The following TTF2 variants were observed in gnomAD, a reference collection of about 807,000 sequenced individuals.
TTF2 encodes transcription termination factor 2.
Under a neutral mutation model 142.4 loss-of-function variants are expected in TTF2, and 108 were observed. That is an observed-to-expected ratio of 0.76 (90% confidence interval 0.65 to 0.89). TTF2 has a LOEUF of 0.89. Ranked by LOEUF, TTF2 falls within the 40% of genes least tolerant of loss-of-function variation. The probability of loss-of-function intolerance (pLI) is 0.00; values close to 1 mark genes in which losing one functional copy is unlikely to be tolerated. For synonymous variants in TTF2, 483 were observed against 506.2 expected (o/e 0.95, Z 0.61); for missense variants, 1,327 against 1,379.8 (o/e 0.96, Z 0.61).
In TTF2 at chr1:117,106,967, G is replaced by A. The variant is rs747268347; in HGVS notation, c.*5443G>A. The A allele has an allele frequency of 1.3e-5, 2 of 152,190 alleles. No homozygotes were observed. The highest frequency in any genetic ancestry group is 2.9e-5 in the Non-Finnish European group (2 of 68,040). 9.4% of individuals were successfully genotyped at this position (152,190 alleles called of 1,614,324 possible). A position where few individuals can be genotyped will look rare whatever the true frequency, so the allele number is the denominator to read the frequency against. ...GTTTATCCTGTTACAACATCCCAGA[G>A]GACAGAGGCTCTTATTTGTGACTCT... On this transcript the variant is annotated 3_prime_UTR_variant, in exon 23 of 23. Coordinates refer to ENST00000369466, the MANE Select transcript of TTF2 (RefSeq NM_003594.4).
At chr1:117,088,285 C>G (rs1308033555) in intron 12 of TTF2, among the ~76,000 whole-genome samples, 2 of 152,160 alleles carry the variant, frequency 1.3e-5, no homozygotes, top group African/African-American at 2.4e-5. Flanking sequence ...TGCCTGTAAT[C>G]CCAGCACTTT....
Position 117,079,702 on chromosome 1 carries a change from T to C in TTF2, c.1783+53T>C. The C allele has an allele frequency of 6.6e-7, 1 of 1,524,732 alleles. No individual in the cohort carries two copies. The highest frequency in any genetic ancestry group is 9.1e-7 in the Non-Finnish European group (1 of 1,098,288). 94.5% of individuals were successfully genotyped at this position (1,524,732 alleles called of 1,614,324 possible). On this transcript the variant is annotated intron_variant, in intron 9 of 22. Transcript: ENST00000369466. This position sits in a 1 kb window ranked among gnomAD's most constrained non-coding sequence, Gnocchi z 4.2. ...TTTATTGAATGCTTAGGCATTGTGC[T>C]AAACACGTAGTGTTGTTTCATTTAT...
At chr1:117,061,346 G>T (rs1409908777) in intron 2 of TTF2, among the ~76,000 whole-genome samples, 1 of 152,234 alleles carries the variant, frequency 6.6e-6, no homozygotes, top group African/African-American at 2.4e-5. Flanking sequence ...AGTGAGGAAA[G>T]TTAATAGTTT....
In TTF2 at chr1:117,101,706, C is replaced by T; in HGVS notation, c.*182C>T. 1 of 522,510 alleles carries T rather than the reference C, an allele frequency of 1.9e-6. No homozygotes were observed. The highest frequency in any genetic ancestry group is 3.1e-6 in the Non-Finnish European group (1 of 321,228). The allele number at this position is 522,510 out of a possible 1,614,324, so 32.4% of individuals were successfully genotyped here. On this transcript the variant is annotated 3_prime_UTR_variant, in exon 23 of 23. Transcript: ENST00000369466. This position sits in a 1 kb window ranked among gnomAD's most constrained non-coding sequence, Gnocchi z 5.9. The stretch of plus-strand genomic sequence containing the variant: ...AGAATTGAGGAGGGGTTGTGTTAAC[C>T]AATTAGTTAACCAATTATGTTAATA...
At chr1:117,083,333 A>C (rs1647703769) in intron 10 of TTF2, among the ~76,000 whole-genome samples, 1 of 152,026 alleles carries the variant, frequency 6.6e-6, no homozygotes, top group Non-Finnish European at 1.5e-5. Context: ...CTTTGTGTGT[A>C]CTAGCAGTAT....
At chr1:117,098,419 G>GC (rs1275439941) in intron 21 of TTF2, 1 of 153,132 alleles carries the variant, frequency 6.5e-6, no homozygotes, top group Admixed American at 6.5e-5. Flanking sequence ...TAAATAACTT[G>GC]CCCAAGGACA....
chr1:117,062,774 C>A (rs937148617), intron 3 of TTF2, among the ~76,000 whole-genome samples: 2 of 152,156 alleles, frequency 1.3e-5, no homozygotes, highest in African/African-American at 4.8e-5. Flanking sequence ...ACTTGTCAAT[C>A]TTCTAATTCT....
intron 8 of TTF2, among the ~76,000 whole-genome samples, chr1:117,078,805 G>A (rs1338042951): frequency 6.6e-6 from 1 of 152,182 alleles, no homozygotes; most frequent in African/African-American, 2.4e-5. Flanking sequence ...GGGGGACTCT[G>A]GTCAAAGGGC....
chr1:117,097,241 T>C lies in TTF2; in HGVS notation c.3187-110T>C. 2 of 900,448 alleles carry C rather than the reference T, an allele frequency of 2.2e-6. No homozygotes were observed. Among genetic ancestry groups the C allele is most frequent in the Non-Finnish European group, 3.5e-6 (2 of 567,478 alleles). 55.8% of individuals were successfully genotyped at this position (900,448 alleles called of 1,614,324 possible). ...AACAATTTATAACAGCAGAAGGAAA[T>C]TTGATAGGAACACAGTGCTTATCTG... On this transcript the variant is annotated intron_variant, in intron 20 of 22. Transcript: ENST00000369466. This position sits in a 1 kb window ranked among gnomAD's most constrained non-coding sequence, Gnocchi z 4.1.
Position 117,091,915 on chromosome 1 carries a change from C to T in TTF2, c.2770C>T (p.Arg924Cys), listed in dbSNP as rs774489774. The T allele has an allele frequency of 8.7e-6, 14 of 1,612,914 alleles. No homozygotes were observed. Among genetic ancestry groups the T allele is most frequent in the South Asian group, 3.3e-5 (3 of 91,018 alleles). Residue 924 changes from arginine (R) to cysteine (C), a missense_variant, in exon 17 of 23, where the codon CGC becomes TGC. Transcript: ENST00000369466. ...VHILSQLLRL[R>C]QCCCHLSLLK... ...CATACTGTCCCAGTTGCTGAGACTCCGCCAGTGTTGCTGTCATCTTTCTTT... is the reference window on the plus strand; with the variant it reads ...CATACTGTCCCAGTTGCTGAGACTCTGCCAGTGTTGCTGTCATCTTTCTTT...
At position 117,097,046 on chromosome 1, in the gene TTF2, T is replaced by C. The variant is rs535451790; in HGVS notation, c.3187-305T>C. Among the ~76,000 whole-genome samples the C allele has an allele frequency of 2.0e-5, 3 of 152,278 alleles. No individual in the cohort carries two copies. Among genetic ancestry groups the C allele is most frequent in the East Asian group, 3.9e-4 (2 of 5,178 alleles). ...GATGAAATAAACATAATCTGGTTAA[T>C]TGAAAGTTTATTGAGCTGACCATCC... is the stretch of plus-strand genomic sequence containing the variant. On this transcript the variant is annotated intron_variant, in intron 20 of 22. Transcript: ENST00000369466. The surrounding 1 kb of genome is among the most constrained non-coding windows in gnomAD (Gnocchi z 4.1).
In TTF2 at chr1:117,086,424, A is replaced by T. The variant is rs1648017396; in HGVS notation, c.2062A>T (p.Thr688Ser). Residue 688 changes from threonine to serine, a missense_variant, in exon 12 of 23, where the codon ACA (threonine) becomes TCA (serine). Thr to Ser is a moderately conservative substitution (Grantham distance 58). Coordinates refer to ENST00000369466, the MANE Select transcript of TTF2 (RefSeq NM_003594.4). This position sits in a 1 kb window ranked among gnomAD's most constrained non-coding sequence, Gnocchi z 4.2. ...NRDSRARVLS[T>S]YDIVITTYSL... ...TTTGTTATGTCTACGCAGCCTCTCT[A>T]CATATGACATCGTGATCACTACCTA... 1.2e-6 allele frequency: 2 copies of T among 1,613,136 alleles called. No individual in the cohort carries two copies. The highest frequency in any genetic ancestry group is 1.7e-6 in the Non-Finnish European group (2 of 1,179,248).
chr1:117,062,356 A>G (rs777046682), intron 2 of TTF2, 31 bp from the exon 3 acceptor site: 2 of 1,603,500 alleles, frequency 1.2e-6, no homozygotes, highest in South Asian at 2.2e-5. Flanking sequence ...TCCTGACCTA[A>G]AAATGTTTTC....
chr1:117,084,818 A>G (rs894087240), intron 11 of TTF2, among the ~76,000 whole-genome samples: 2 of 152,188 alleles, frequency 1.3e-5, no homozygotes, highest in African/African-American at 2.4e-5. Context: ...GTAGTCAAGG[A>G]TGAGAACAAA....
chr1:117,086,652 G>T lies in TTF2; in HGVS notation c.2160+130G>T. 1 of 652,326 alleles carries T rather than the reference G, an allele frequency of 1.5e-6. No homozygotes were observed. 40.4% of individuals were successfully genotyped at this position (652,326 alleles called of 1,614,324 possible). On this transcript the variant is annotated intron_variant, in intron 12 of 22. Coordinates refer to ENST00000369466, the MANE Select transcript of TTF2 (RefSeq NM_003594.4). This position sits in a 1 kb window ranked among gnomAD's most constrained non-coding sequence, Gnocchi z 4.2. The stretch of plus-strand genomic sequence containing the variant: ...GAATGCTGTAAATGATCCGCATGTG[G>T]AAAGGAATTGTTCTTTCCTCTATCC...
chr1:117,080,008 CTTT>C lies in TTF2; in HGVS notation c.1783+375_1783+377del, dbSNP rs544511918. 6.5e-5 allele frequency among the ~76,000 whole-genome samples: 9 copies of C among 138,940 alleles called. No individual in the cohort carries two copies. Among genetic ancestry groups the C allele is most frequent in the Admixed American group, 7.3e-5 (1 of 13,680 alleles). The allele number at this position is 138,940 out of a possible 152,430, so 91.2% of individuals were successfully genotyped here. A position where few individuals can be genotyped will look rare whatever the true frequency, so the allele number is the denominator to read the frequency against. ...ACAAACAGCAGTCTATTGCCTCCCT[CTTT>C]TTTTTTTTTTTTTTTGAGATGGAGT... On this transcript the variant is annotated intron_variant, in intron 9 of 22. Transcript: ENST00000369466. This position sits in a 1 kb window ranked among gnomAD's most constrained non-coding sequence, Gnocchi z 4.3.
At position 117,103,255 on chromosome 1, in the gene TTF2, G is replaced by A. The variant is rs1164475437; in HGVS notation, c.*1731G>A. On this transcript the variant is annotated 3_prime_UTR_variant, in exon 23 of 23. Transcript: ENST00000369466. ...GCTCACCTACACTGGACTATGACAT[G>A]ATCAAGGAATCTTTTTTTTTAAGCT... The A allele has an allele frequency of 6.6e-6, 1 of 152,130 alleles. No individual in the cohort carries two copies. Among genetic ancestry groups the A allele is most frequent in the East Asian group, 1.9e-4 (1 of 5,192 alleles). The allele number at this position is 152,130 out of a possible 1,614,324, so 9.4% of individuals were successfully genotyped here.
rs34236116 is a variant in TTF2, at chr1:117,101,498, G to C, written c.3463G>C (p.Asp1155His). 6.7e-4 allele frequency: 1,068 copies of C among 1,599,304 alleles called. 9 individuals carry two copies. The African/African-American group carries it at 0.013, about 20-fold the overall frequency. The change falls in exon 23 of 23, where the codon GAC becomes CAC. Residue 1155 changes from aspartate to histidine, a missense_variant. Transcript: ENST00000369466. The surrounding 1 kb of genome is among the most constrained non-coding windows in gnomAD (Gnocchi z 5.9). ...ATCTGTCACCAAGCTCACCTTGGCTGACCTCAGAGTCCTTTTTGGCATCTA... is the reference window on the plus strand; with the variant it reads ...ATCTGTCACCAAGCTCACCTTGGCTCACCTCAGAGTCCTTTTTGGCATCTA... The part of the protein sequence containing the change: ...GESVTKLTLA[D>H]LRVLFGI
chr1:117,076,807 C>T lies in TTF2; in HGVS notation c.1557C>T (p.Ser519=), dbSNP rs751629722. Residue 519 remains serine (S), a synonymous_variant, in exon 7 of 23, where the codon TCC becomes TCT. Transcript: ENST00000369466. This position sits in a 1 kb window ranked among gnomAD's most constrained non-coding sequence, Gnocchi z 4.6. ...KSACQVTAGG[S]SQCYRGHTNQ... ...CCTGCCAGGTGACTGCTGGAGGATC[C>T]AGTCAGTGCTATCGAGGTAAGACCC... 5 of 1,613,100 alleles carry T rather than the reference C, an allele frequency of 3.1e-6. No individual in the cohort carries two copies. Among genetic ancestry groups the T allele is most frequent in the Admixed American group, 3.3e-5 (2 of 59,884 alleles).
Sources: allele counts gnomAD v4.1 joint callset (sites outside exome capture counted in the v4.1 genomes callset), GRCh38; gene constraint gnomAD v4.1.1; non-coding constraint Gnocchi (gnomAD v3.1); transcripts MANE v1.5; gene names NCBI Gene and HGNC (gene_info 2026-07-23, HGNC 2026-07-21).